The following GALNT10 variants were observed in gnomAD, a reference collection of about 807,000 sequenced individuals.
GALNT10 encodes GalNAc transferase 10.
Under a neutral mutation model 75.0 loss-of-function variants are expected in GALNT10, and 41 were observed. The observed-to-expected ratio is 0.55, with a 90% CI of 0.43 to 0.71. GALNT10 has a LOEUF of 0.71. Ranked by LOEUF, GALNT10 falls within the 30% of genes least tolerant of loss-of-function variation. GALNT10 has a pLI of 0.00. For missense variants in GALNT10, 727 were observed against 818.5 expected, an observed-to-expected ratio of 0.89 and a Z score of 1.36; for synonymous variants, 302 against 313.0, an observed-to-expected ratio of 0.96 and a Z score of 0.37.
At position 154,390,239 on chromosome 5, in the gene GALNT10, A is replaced by C. The variant is rs146392114; in HGVS notation, c.1056+3809A>C. 6.5e-3 allele frequency among the ~76,000 whole-genome samples: 997 copies of C among 152,322 alleles called. 10 individuals carry two copies. Among genetic ancestry groups the C allele is most frequent in the African/African-American group, 0.023 (938 of 41,556 alleles). On this transcript the variant is annotated intron_variant, in intron 7 of 11. Coordinates refer to ENST00000297107, the MANE Select transcript of GALNT10 (RefSeq NM_198321.4). ...TGCAGCTCTCTGGAAAAATGTTTTA[A>C]AGGCAAAACAGGATAGAACGCATGG...
At chr5:154,292,274 C>G (rs1370018949) in intron 1 of GALNT10, among the ~76,000 whole-genome samples, 1 of 152,200 alleles carries the variant, frequency 6.6e-6, no homozygotes, top group Non-Finnish European at 1.5e-5. Context: ...ATTGCTGGGC[C>G]CCATCCCCAG....
At chr5:154,207,250 C>T (rs935793039) in intron 1 of GALNT10, among the ~76,000 whole-genome samples, 4 of 152,182 alleles carry the variant, frequency 2.6e-5, no homozygotes, top group Non-Finnish European at 5.9e-5. Flanking sequence ...AACTGCAGAC[C>T]TAAATGCCAG....
chr5:154,303,959 G>A (rs1467869821), intron 3 of GALNT10, among the ~76,000 whole-genome samples: 2 of 152,150 alleles, frequency 1.3e-5, no homozygotes, highest in African/African-American at 4.8e-5. Flanking sequence ...AAGTTAGGTA[G>A]AGATACGGAA....
At chr5:154,256,371 TTG>T (rs1193167062) in intron 1 of GALNT10, among the ~76,000 whole-genome samples, 1 of 150,984 alleles carries the variant, frequency 6.6e-6, no homozygotes, top group Non-Finnish European at 1.5e-5. Flanking sequence ...TTTTTTAATA[TTG>T]TGTGTGGTCC....
chr5:154,197,890 G>A (rs1774969914), intron 1 of GALNT10, among the ~76,000 whole-genome samples: 1 of 152,162 alleles, frequency 6.6e-6, no homozygotes, highest in African/African-American at 2.4e-5. Flanking sequence ...GGTGGAGCTG[G>A]TATTTGAACT....
At chr5:154,285,868 C>A (rs1034910104) in intron 1 of GALNT10, among the ~76,000 whole-genome samples, 1 of 152,190 alleles carries the variant, frequency 6.6e-6, no homozygotes, top group Admixed American at 6.5e-5. Flanking sequence ...CCAGACTTTC[C>A]CTGCTTCTCT....
rs544566295 is a variant in GALNT10, at chr5:154,417,029, C to T, written c.*57C>T. On this transcript the variant is annotated 3_prime_UTR_variant, in exon 12 of 12. Transcript: ENST00000297107. ...GTCTGGCACTCACTGCAGACTTCCT[C>T]TTTCAAGGGAGGCAGGGCCCCTGTG... is the stretch of plus-strand genomic sequence containing the variant. The T allele has an allele frequency of 1.3e-5, 20 of 1,524,584 alleles. No homozygotes were observed. The highest frequency in any genetic ancestry group is 4.5e-5 in the East Asian group (2 of 44,392). 94.4% of individuals were successfully genotyped at this position (1,524,584 alleles called of 1,614,324 possible).
chr5:154,367,720 T>C (rs1755497576), intron 4 of GALNT10, among the ~76,000 whole-genome samples: 1 of 150,674 alleles, frequency 6.6e-6, no homozygotes, highest in East Asian at 1.9e-4. Context: ...TAGCTGGGAG[T>C]GGTGGCGGGC....
At chr5:154,192,253 A>G (rs970258920) in intron 1 of GALNT10, among the ~76,000 whole-genome samples, 1 of 152,208 alleles carries the variant, frequency 6.6e-6, no homozygotes, top group Non-Finnish European at 1.5e-5. Context: ...GAGCTGACCA[A>G]TTTGAGCTCC....
In GALNT10 at chr5:154,380,513, T is replaced by G; in HGVS notation, c.820T>G (p.Phe274Val). The change falls in exon 6 of 12, where the codon TTT becomes GTT. Residue 274 changes from phenylalanine to valine, a missense_variant. Coordinates refer to ENST00000297107, the MANE Select transcript of GALNT10 (RefSeq NM_198321.4). ...GATTGATGTAATTGACCATGACGAC[T>G]TTCGGTACGAGACACAGGCAGGGGA... ...PMIDVIDHDD[F>V]RYETQAGDAM... The G allele has an allele frequency of 1.2e-6, 2 of 1,613,964 alleles. No individual in the cohort carries two copies. The highest frequency in any genetic ancestry group is 1.7e-6 in the Non-Finnish European group (2 of 1,179,962).
Position 154,386,342 on chromosome 5 carries a change from C to A in GALNT10, c.968C>A (p.Ala323Asp). 7.4e-6 allele frequency: 12 copies of A among 1,614,034 alleles called. No individual in the cohort carries two copies. The highest frequency in any genetic ancestry group is 1.0e-5 in the Non-Finnish European group (12 of 1,179,926). Reference sequence around the variant, plus strand: ...CCCGTGATGGCCGGTGGACTGTTCGCCGTGGATCGGAAGTGGTTCTGGGAA... The same window carrying A: ...CCCGTGATGGCCGGTGGACTGTTCGACGTGGATCGGAAGTGGTTCTGGGAA... ...ESPVMAGGLF[A>D]VDRKWFWELG... Residue 323 changes from alanine to aspartate, a missense_variant, in exon 7 of 12, where the codon GCC becomes GAC. By Grantham distance (126) the Ala-to-Asp change is moderately radical. Coordinates refer to ENST00000297107, the MANE Select transcript of GALNT10 (RefSeq NM_198321.4).
Position 154,415,838 on chromosome 5 carries a change from A to G in GALNT10, c.1559A>G (p.Lys520Arg). 1.2e-6 allele frequency: 2 copies of G among 1,614,138 alleles called. No individual in the cohort carries two copies. The highest frequency in any genetic ancestry group is 1.7e-6 in the Non-Finnish European group (2 of 1,179,996). ...DIRPGDPQHT[K>R]KFCFDAISHT... ...CGGCCTGGAGACCCCCAGCACACCAAGAAGTTCTGCTTTGATGCCATTTCC... is the reference window on the plus strand; with the variant it reads ...CGGCCTGGAGACCCCCAGCACACCAGGAAGTTCTGCTTTGATGCCATTTCC... Residue 520 changes from lysine to arginine, a missense_variant, in exon 11 of 12, where the codon AAG becomes AGG. Physicochemically the swap from Lys to Arg is conservative, Grantham distance 26. Transcript: ENST00000297107.
At chr5:154,277,856 G>A (rs922780545) in intron 1 of GALNT10, among the ~76,000 whole-genome samples, 16 of 152,174 alleles carry the variant, frequency 1.1e-4, no homozygotes, top group African/African-American at 3.9e-4. Context: ...TCTGGCTTCT[G>A]AGAATTTGTG....
At chr5:154,379,106 G>A (rs960324814) in intron 5 of GALNT10, among the ~76,000 whole-genome samples, 1 of 152,152 alleles carries the variant, frequency 6.6e-6, no homozygotes, top group Non-Finnish European at 1.5e-5. Context: ...ATCCACATGT[G>A]GGGGTATACT....
At chr5:154,304,053 A>G (rs935520806) in intron 3 of GALNT10, among the ~76,000 whole-genome samples, 1 of 152,230 alleles carries the variant, frequency 6.6e-6, no homozygotes, top group African/African-American at 2.4e-5. Context: ...GATTAATGGC[A>G]TAGATATTGC....
intron 1 of GALNT10, among the ~76,000 whole-genome samples, chr5:154,265,072 G>A (rs576654794): frequency 2.6e-5 from 4 of 152,300 alleles, no homozygotes; most frequent in East Asian, 1.9e-4. Flanking sequence ...GCCAGCGAGC[G>A]TAATTTCTGG....
rs959157836 is a variant in GALNT10, at chr5:154,258,022, G to A, written c.160-36794G>A. 3.3e-5 allele frequency among the ~76,000 whole-genome samples: 5 copies of A among 152,026 alleles called. No homozygotes were observed. In the East Asian group the frequency reaches 5.8e-4, roughly 18 times the overall value. On this transcript the variant is annotated intron_variant, in intron 1 of 11. Coordinates refer to ENST00000297107, the MANE Select transcript of GALNT10 (RefSeq NM_198321.4). ...GTACAAAAATCTACAGAATAAATAC[G>A]GCATTTCTTTTCAGGAGAAGAAGGA...
rs142689115 is a variant in GALNT10 at position 154,315,597 on chromosome 5, T to C, written c.402-13975T>C. 1.9e-3 allele frequency among the ~76,000 whole-genome samples: 294 copies of C among 152,344 alleles called. 1 individual carries two copies. Among genetic ancestry groups the C allele is most frequent in the African/African-American group, 7.0e-3 (290 of 41,580 alleles). On this transcript the variant is annotated intron_variant, in intron 3 of 11. Coordinates refer to ENST00000297107, the MANE Select transcript of GALNT10 (RefSeq NM_198321.4). ...ATTTGATTGGTCTGGTGAGCCTCAT[T>C]TGGGCACAGATTTCTTGCAAGGCCA...
At chr5:154,290,932 T>G (rs1754186180) in intron 1 of GALNT10, among the ~76,000 whole-genome samples, 1 of 152,184 alleles carries the variant, frequency 6.6e-6, no homozygotes, top group Non-Finnish European at 1.5e-5. Flanking sequence ...AGCTGCGTGC[T>G]TAGACATGTA....
Sources: gnomAD v4.1 joint callset for allele counts (sites outside exome capture counted in the v4.1 genomes callset) on GRCh38, gnomAD v4.1.1 for gene constraint, MANE v1.5 for transcripts, NCBI Gene and HGNC (gene_info 2026-07-23, HGNC 2026-07-21) for gene names.